The following SV2C variants were observed in gnomAD, a reference collection of about 807,000 sequenced individuals.
SV2C encodes the protein solute carrier family 22 member B3.
A neutral mutation model predicts 79.7 loss-of-function variants in SV2C; 49 were observed. The observed-to-expected ratio is 0.61, with a 90% CI of 0.49 to 0.78. The LOEUF (loss-of-function observed/expected upper bound fraction) is 0.78, where lower values mean the gene tolerates loss of function less well. SV2C is among the 30% of genes least tolerant of loss of function. The pLI is 0.00. For synonymous variants in SV2C, 334 were observed against 333.2 expected, an observed-to-expected ratio of 1.00 and a Z score of -0.03; for missense variants, 833 against 912.9, an observed-to-expected ratio of 0.91 and a Z score of 1.13.
the SV2C span, among the ~76,000 whole-genome samples, chr5:75,872,221 GA>G: frequency 2.7e-5 from 4 of 150,534 alleles, no homozygotes; most frequent in African/African-American, 9.7e-5. Context: ...GCCAATATGA[GA>G]AAAATTGCTA....
intron 10 of SV2C, among the ~76,000 whole-genome samples, chr5:76,300,046 A>G (rs79344344): frequency 6.6e-6 from 1 of 152,068 alleles, no homozygotes; most frequent in African/African-American, 2.4e-5. Context: ...TAAAATGGCA[A>G]TGATAAGGCT....
intron 12 of SV2C, 29 bp downstream of exon 12, chr5:76,301,574 G>T (rs116103141): frequency 0.02 from 32,340 of 1,605,054 alleles, 622 homozygotes; most frequent in South Asian, 0.071. Flanking sequence ...CTAGTAAGAG[G>T]CACTCTAAGC....
chr5:76,155,932 A>G (rs1255424254), intron 2 of SV2C, among the ~76,000 whole-genome samples: 1 of 127,154 alleles, frequency 7.9e-6, no homozygotes, highest in Non-Finnish European at 1.6e-5. Context: ...TTTATGCCCA[A>G]GGTTTCTCTC....
At chr5:76,180,148 G>A (rs1743674789) in intron 2 of SV2C, among the ~76,000 whole-genome samples, 1 of 152,212 alleles carries the variant, frequency 6.6e-6, no homozygotes, top group Non-Finnish European at 1.5e-5. Context: ...AGGCCTTTCT[G>A]TTGCTGTACA....
At chr5:76,141,382 G>A (rs1749244892) in intron 2 of SV2C, among the ~76,000 whole-genome samples, 2 of 152,120 alleles carry the variant, frequency 1.3e-5, no homozygotes, top group African/African-American at 2.4e-5. Flanking sequence ...AACACTCTAG[G>A]ATGAGGATTC....
At chr5:76,117,461 A>G (rs61501379) in intron 1 of SV2C, among the ~76,000 whole-genome samples, 7,056 of 152,246 alleles carry the variant, frequency 0.046, 538 homozygotes, top group African/African-American at 0.16. Flanking sequence ...TTGAAAAGTA[A>G]CTAAGCAATT....
At chr5:75,875,093 A>G in the SV2C span, among the ~76,000 whole-genome samples, 2 of 152,218 alleles carry the variant, frequency 1.3e-5, no homozygotes, top group South Asian at 2.1e-4. Flanking sequence ...TAAAATTCAT[A>G]TGGAACCAAA....
the SV2C span, chr5:75,921,350 C>T: frequency 9.7e-7 from 1 of 1,033,016 alleles, no homozygotes; most frequent in African/African-American, 1.6e-5. Flanking sequence ...ATGCTGCCTG[C>T]TGCTGTCCTT....
chr5:76,309,599 CAAAAAAAAAAAAAAA>C (rs769865757), intron 12 of SV2C, among the ~76,000 whole-genome samples: 2 of 18,706 alleles, frequency 1.1e-4, no homozygotes, highest in South Asian at 2.3e-3. Flanking sequence ...AACTCCATCT[CAAAAAAAAAAAAAAA>C]AAAAAAAAAA....
chr5:76,245,932 G>GTGTA (rs1554042684), intron 4 of SV2C, among the ~76,000 whole-genome samples: 2 of 139,614 alleles, frequency 1.4e-5, no homozygotes, highest in Non-Finnish European at 3.2e-5. Context: ...GTGTGTGTGT[G>GTGTA]TGTATGTGTG....
At chr5:76,201,911 G>C (rs370472209) in intron 3 of SV2C, among the ~76,000 whole-genome samples, 1 of 151,666 alleles carries the variant, frequency 6.6e-6, no homozygotes, top group Non-Finnish European at 1.5e-5. Flanking sequence ...CCAGCCACTC[G>C]GGAGGCTGAG....
intron 4 of SV2C, among the ~76,000 whole-genome samples, chr5:76,278,260 C>T (rs1747082811): frequency 6.6e-6 from 1 of 151,780 alleles, no homozygotes; most frequent in Non-Finnish European, 1.5e-5. Flanking sequence ...GTGGGAAAAG[C>T]AGGGTTCCTG....
At chr5:75,997,131 T>C in the SV2C span, among the ~76,000 whole-genome samples, 18 of 151,736 alleles carry the variant, frequency 1.2e-4, no homozygotes, top group Admixed American at 1.1e-3. Flanking sequence ...TTGTCATAGA[T>C]AGCTCTTATT....
intron 1 of SV2C, among the ~76,000 whole-genome samples, chr5:76,113,679 A>T (rs1163960680): frequency 2.6e-5 from 4 of 152,208 alleles, no homozygotes; most frequent in African/African-American, 9.7e-5. Flanking sequence ...TGAGCTTGAA[A>T]TTCCACAATT....
intron 4 of SV2C, among the ~76,000 whole-genome samples, chr5:76,283,735 A>G (rs1747263839): frequency 6.6e-6 from 1 of 152,242 alleles, no homozygotes; most frequent in Non-Finnish European, 1.5e-5. Flanking sequence ...CTAATCTAAG[A>G]TTAATATAGC....
intron 2 of SV2C, among the ~76,000 whole-genome samples, chr5:76,134,275 A>G (rs558519987): frequency 4.7e-4 from 71 of 152,312 alleles, no homozygotes; most frequent in South Asian, 2.9e-3. Flanking sequence ...TGAGTCCCCA[A>G]CAGGAGCATT....
the SV2C span, among the ~76,000 whole-genome samples, chr5:76,030,660 C>G: frequency 6.6e-6 from 1 of 151,942 alleles, no homozygotes; most frequent in Non-Finnish European, 1.5e-5. Flanking sequence ...TTCTGTCTCT[C>G]TCAGGGCAGT....
At chr5:76,132,780 G>T (rs1355034529) in intron 2 of SV2C, among the ~76,000 whole-genome samples, 2 of 152,052 alleles carry the variant, frequency 1.3e-5, no homozygotes, top group Non-Finnish European at 2.9e-5. Flanking sequence ...ATTTTTATGT[G>T]TAATACAGTA....
intron 4 of SV2C, among the ~76,000 whole-genome samples, chr5:76,241,764 G>A (rs1164340952): frequency 6.6e-6 from 1 of 152,106 alleles, no homozygotes; most frequent in Non-Finnish European, 1.5e-5. Context: ...CCCTCCTCCT[G>A]GAAGCCAAGA....
Sources: allele counts gnomAD v4.1 joint callset (sites outside exome capture counted in the v4.1 genomes callset), GRCh38; gene constraint gnomAD v4.1.1; transcripts MANE v1.5; gene names NCBI Gene and HGNC (gene_info 2026-07-23, HGNC 2026-07-21).